Variants in GRIN2B observed in about 807,000 individuals in gnomAD.
GRIN2B encodes the protein glutamate receptor ionotropic, NMDA 2B.
Under a neutral mutation model 114.5 loss-of-function variants are expected in GRIN2B, and 5 were observed. That is an observed-to-expected ratio of 0.04 (90% CI 0.02 to 0.09). The LOEUF (loss-of-function observed/expected upper bound fraction) is 0.09, where lower values mean the gene tolerates loss of function less well. Among genes scored for constraint, GRIN2B ranks in the 10% least tolerant of loss-of-function variants. The probability of loss-of-function intolerance (pLI) is 1.00; values close to 1 mark genes in which losing one functional copy is unlikely to be tolerated. For missense variants in GRIN2B, 1,108 were observed against 1,943.5 expected (o/e 0.57, Z 8.08); for synonymous variants, 787 against 745.1 (o/e 1.06, Z -0.92).
intron 2 of GRIN2B, among the ~76,000 whole-genome samples, chr12:13,950,170 G>T (rs772802294): frequency 5.9e-5 from 9 of 152,188 alleles, no homozygotes; most frequent in Non-Finnish European, 1.3e-4. Flanking sequence ...ATCTATGGAA[G>T]AATAGCCAGT....
intron 4 of GRIN2B, among the ~76,000 whole-genome samples, chr12:13,737,607 G>A (rs1054408090): frequency 6.6e-6 from 1 of 152,128 alleles, no homozygotes; most frequent in Non-Finnish European, 1.5e-5. Flanking sequence ...ACTCAAGTCC[G>A]ATGACCTTAA....
chr12:13,825,496 T>TTTTTTTTGTG (rs375940899), intron 3 of GRIN2B, among the ~76,000 whole-genome samples: 44 of 122,970 alleles, frequency 3.6e-4, no homozygotes, highest in African/African-American at 1.1e-3. Context: ...TATATATATT[T>TTTTTTTTGTG]TGTGTGTGTG....
At chr12:13,956,510 C>T (rs558066995) in intron 2 of GRIN2B, among the ~76,000 whole-genome samples, 41 of 152,326 alleles carry the variant, frequency 2.7e-4, no homozygotes, top group Middle Eastern at 3.4e-3. Context: ...TTCTCCTACC[C>T]TCATTCTGTT....
intron 4 of GRIN2B, among the ~76,000 whole-genome samples, chr12:13,690,495 T>C (rs146450573): frequency 3.1e-3 from 468 of 152,276 alleles, no homozygotes; most frequent in African/African-American, 0.011. Flanking sequence ...TTATCTATAA[T>C]CTTTCTTTTC....
chr12:13,811,718 G>GA (rs1864734610), intron 3 of GRIN2B, among the ~76,000 whole-genome samples: 1 of 152,360 alleles, frequency 6.6e-6, no homozygotes, highest in East Asian at 1.9e-4. Flanking sequence ...TCATAAAGTA[G>GA]AACATTCCAG....
At chr12:13,922,130 CATT>C (rs1866834438) in intron 2 of GRIN2B, among the ~76,000 whole-genome samples, 1 of 152,118 alleles carries the variant, frequency 6.6e-6, no homozygotes, top group Non-Finnish European at 1.5e-5. Flanking sequence ...TAATATTTAT[CATT>C]ATCAATTTTT....
chr12:13,760,713 C>T (rs1863663756), intron 3 of GRIN2B, among the ~76,000 whole-genome samples: 1 of 152,174 alleles, frequency 6.6e-6, no homozygotes, highest in Non-Finnish European at 1.5e-5. Context: ...GGTTACCCAG[C>T]TGTCCTGAGA....
intron 2 of GRIN2B, among the ~76,000 whole-genome samples, chr12:13,910,703 C>G (rs1375788027): frequency 6.6e-6 from 1 of 152,196 alleles, no homozygotes; most frequent in East Asian, 1.9e-4. Context: ...TGTCATTCCT[C>G]TGTTTAAAGA....
chr12:13,876,652 AC>A (rs1295404010), intron 2 of GRIN2B, among the ~76,000 whole-genome samples: 10 of 152,230 alleles, frequency 6.6e-5, no homozygotes, highest in African/African-American at 2.4e-4. Flanking sequence ...CATATTACTG[AC>A]ATCAGAATAG....
intron 2 of GRIN2B, among the ~76,000 whole-genome samples, chr12:13,883,432 C>CT (rs992037042): frequency 3.3e-5 from 5 of 152,074 alleles, no homozygotes; most frequent in Non-Finnish European, 5.9e-5. Flanking sequence ...TGTGAATGTT[C>CT]TTTTTTTCCT....
At chr12:13,824,855 CAAAAAAA>C (rs34417194) in intron 3 of GRIN2B, among the ~76,000 whole-genome samples, 34 of 95,116 alleles carry the variant, frequency 3.6e-4, no homozygotes, top group African/African-American at 1.3e-3. Flanking sequence ...GACTCCATTT[CAAAAAAA>C]AAAAAAAAAA....
rs536740058 is a variant in GRIN2B at position 13,560,084 on chromosome 12, C to T, written c.*2699G>A. 3.9e-4 allele frequency: 60 copies of T among 152,212 alleles called. No individual in the cohort carries two copies. Among genetic ancestry groups the T allele is most frequent in the African/African-American group, 1.4e-3 (57 of 41,528 alleles). 9.4% of individuals were successfully genotyped at this position (152,212 alleles called of 1,614,324 possible). A position where few individuals can be genotyped will look rare whatever the true frequency, so the allele number is the denominator to read the frequency against. ...GTCAGACCTGGGGTTTGCTTAGAGC[C>T]AAATTGAACCCTATGTAAAACCCTG... On this transcript the variant is annotated 3_prime_UTR_variant, in exon 14 of 14. Transcript: ENST00000609686.
At chr12:13,820,319 T>C (rs1466425826) in intron 3 of GRIN2B, among the ~76,000 whole-genome samples, 1 of 152,328 alleles carries the variant, frequency 6.6e-6, no homozygotes, top group Non-Finnish European at 1.5e-5. Flanking sequence ...TACAGTACAG[T>C]GGAGAAGACG....
intron 3 of GRIN2B, among the ~76,000 whole-genome samples, chr12:13,856,223 C>A (rs1018089841): frequency 5.9e-5 from 9 of 152,110 alleles, no homozygotes; most frequent in Non-Finnish European, 1.2e-4. Context: ...CAGGCAGAAC[C>A]ATTCGGGGAG....
chr12:13,554,803 G>C lies in GRIN2B; in HGVS notation c.*7980C>G, dbSNP rs1037925336. ...GTAGGCTTTTCAAATTTTTAGATAT[G>C]CAGGATGAAGAAAATGGAGGAGGCA... On this transcript the variant is annotated 3_prime_UTR_variant, in exon 14 of 14. Transcript: ENST00000609686. 6.6e-6 allele frequency: 1 copy of C among 152,164 alleles called. No individual in the cohort carries two copies. The highest frequency in any genetic ancestry group is 2.4e-5 in the African/African-American group (1 of 41,444). 9.4% of individuals were successfully genotyped at this position (152,164 alleles called of 1,614,324 possible). A position where few individuals can be genotyped will look rare whatever the true frequency, so the allele number is the denominator to read the frequency against.
chr12:13,858,877 G>C (rs953942119), intron 3 of GRIN2B, among the ~76,000 whole-genome samples: 3 of 152,132 alleles, frequency 2.0e-5, no homozygotes, highest in African/African-American at 7.2e-5. Context: ...TCACCAAAGA[G>C]GTGGAACCTA....
intron 2 of GRIN2B, among the ~76,000 whole-genome samples, chr12:13,884,028 A>G (rs187705664): frequency 1.3e-5 from 2 of 152,236 alleles, no homozygotes; most frequent in East Asian, 3.9e-4. Context: ...ATATGGATGT[A>G]CAATTGTTTC....
intron 3 of GRIN2B, among the ~76,000 whole-genome samples, chr12:13,838,131 G>A (rs757059973): frequency 2.6e-5 from 4 of 152,044 alleles, no homozygotes; most frequent in African/African-American, 4.8e-5. Context: ...GCTACATATC[G>A]GAGGGATGAG....
rs200058641 is a variant in GRIN2B, at chr12:13,563,953, C to A, written c.3285G>T (p.Ser1095=). 1 of 1,614,188 alleles carries A rather than the reference C, an allele frequency of 6.2e-7. No individual in the cohort carries two copies. The highest frequency in any genetic ancestry group is 2.2e-5 in the East Asian group (1 of 44,872). ...YKDSLKKRPA[S]AKSRREFDEI... is the part of the protein sequence containing the mutation. ...CGTCAAACTCCCTGCGGGACTTGGC[C>A]GAGGCAGGCCGCTTCTTCAGGCTGT... is the stretch of plus-strand genomic sequence containing the variant. Residue 1095 remains serine, a synonymous_variant, in exon 14 of 14, where the codon TCG becomes TCT. Coordinates refer to ENST00000609686, the MANE Select transcript of GRIN2B (RefSeq NM_000834.5).
Sources: allele counts gnomAD v4.1 joint callset (sites outside exome capture counted in the v4.1 genomes callset), GRCh38; gene constraint gnomAD v4.1.1; transcripts MANE v1.5; gene names NCBI Gene and HGNC (gene_info 2026-07-23, HGNC 2026-07-21).